The following RTL4 variants were observed in gnomAD, a reference collection of about 807,000 sequenced individuals.
RTL4 encodes retrotransposon Gag like 4.
Under a neutral mutation model 5.3 loss-of-function variants are expected in RTL4, and 4 were observed. The ratio of observed to expected loss-of-function variants is 0.75; its 90% CI spans 0.37 to 1.72. The LOEUF is 1.72. Among genes scored for constraint, RTL4 ranks in the 40% most tolerant of loss-of-function variants. The probability of loss-of-function intolerance (pLI) is 0.04; values close to 1 mark genes in which losing one functional copy is unlikely to be tolerated. For missense variants in RTL4, 260 were observed against 227.1 expected (o/e 1.14, Z -0.93); for synonymous variants, 98 against 87.3 (o/e 1.12, Z -0.68).
At chrX:112,318,178 C>T in the RTL4 span, among the ~76,000 whole-genome samples, 1 of 111,749 alleles carries the variant, frequency 8.9e-6, no homozygotes, top group Non-Finnish European at 1.9e-5. Flanking sequence ...ATGCCAGAAC[C>T]TATCACAGTC....
At chrX:112,247,179 A>C in the RTL4 span, among the ~76,000 whole-genome samples, 6 of 112,116 alleles carry the variant, frequency 5.4e-5, no homozygotes, top group South Asian at 2.2e-3. Flanking sequence ...TGGCAGACTT[A>C]AGCCTTATAC....
At chrX:112,334,590 A>G in the RTL4 span, among the ~76,000 whole-genome samples, 7 of 112,065 alleles carry the variant, frequency 6.2e-5, no homozygotes, top group Admixed American at 1.9e-4. Flanking sequence ...ATATAAATAA[A>G]TATGATAAAG....
At chrX:112,224,921 A>G in the RTL4 span, among the ~76,000 whole-genome samples, 1 of 112,103 alleles carries the variant, frequency 8.9e-6, no homozygotes, top group African/African-American at 3.2e-5. Context: ...TGACTGGTCA[A>G]TTATTTATTT....
the RTL4 span, among the ~76,000 whole-genome samples, chrX:112,159,126 A>C: frequency 4.5e-5 from 5 of 112,112 alleles, no homozygotes; most frequent in Non-Finnish European, 7.5e-5. Context: ...TTTTTCTATG[A>C]ATTTCCTTTT....
chrX:112,192,075 GT>G, the RTL4 span, among the ~76,000 whole-genome samples: 7,773 of 78,657 alleles, frequency 0.099, 416 homozygotes, highest in African/African-American at 0.22. Flanking sequence ...AAATACTAGG[GT>G]TTTTTTTTTT....
the RTL4 span, among the ~76,000 whole-genome samples, chrX:112,102,163 A>G: frequency 9.0e-6 from 1 of 111,572 alleles, no homozygotes; most frequent in Non-Finnish European, 1.9e-5. Flanking sequence ...ACACTTTTAT[A>G]TACATTAACT....
At chrX:112,456,544 T>G in exon 1 of RTL4, 2 of 297,381 alleles carry the variant, frequency 6.7e-6, no homozygotes, top group Non-Finnish European at 6.1e-6. Context: ...TTAGTGAGAG[T>G]TGGGGATGGT....
the RTL4 span, among the ~76,000 whole-genome samples, chrX:112,401,453 G>T: frequency 7.4e-4 from 83 of 111,701 alleles, no homozygotes; most frequent in African/African-American, 2.6e-3. Context: ...ACAGCTTGGT[G>T]TGTTGTATTG....
chrX:112,315,308 G>A, the RTL4 span, among the ~76,000 whole-genome samples: 7 of 111,084 alleles, frequency 6.3e-5, no homozygotes, highest in South Asian at 2.7e-3. Context: ...TGATTCATAA[G>A]CAAAGCCCAT....
chrX:112,368,720 C>T, the RTL4 span, among the ~76,000 whole-genome samples: 744 of 111,646 alleles, frequency 6.7e-3, 3 homozygotes, highest in African/African-American at 0.023. Flanking sequence ...ACATAAAGAA[C>T]TTAGACTAAA....
the RTL4 span, among the ~76,000 whole-genome samples, chrX:112,234,117 G>A: frequency 3.6e-5 from 4 of 110,851 alleles, no homozygotes; most frequent in Admixed American, 9.6e-5. Flanking sequence ...GAGTGAACCC[G>A]GGAGGCGGAA....
At chrX:112,281,904 A>G in the RTL4 span, among the ~76,000 whole-genome samples, 2 of 111,783 alleles carry the variant, frequency 1.8e-5, no homozygotes, top group East Asian at 5.6e-4. Context: ...TTTCAGATAC[A>G]TGGCTTACAA....
chrX:112,202,573 T>TATTATC, the RTL4 span, among the ~76,000 whole-genome samples: 1 of 104,039 alleles, frequency 9.6e-6, no homozygotes, highest in Non-Finnish European at 1.9e-5. Flanking sequence ...TTATTATTAT[T>TATTATC]ATTATGAGAC....
the RTL4 span, among the ~76,000 whole-genome samples, chrX:112,255,155 A>G: frequency 1.8e-5 from 2 of 111,705 alleles, no homozygotes; most frequent in African/African-American, 3.2e-5. Flanking sequence ...GAAACACCAC[A>G]TTTTTTTGAT....
chrX:112,437,617 T>G, the RTL4 span, among the ~76,000 whole-genome samples: 1 of 111,542 alleles, frequency 9.0e-6, no homozygotes, highest in African/African-American at 3.3e-5. Context: ...GACTTGGGTT[T>G]GAATCTCATG....
chrX:112,218,074 G>A, the RTL4 span, among the ~76,000 whole-genome samples: 1 of 111,647 alleles, frequency 9.0e-6, no homozygotes, highest in South Asian at 3.7e-4. Context: ...CCTGGAATGG[G>A]GCAAGGGAAA....
At chrX:112,276,937 A>C in the RTL4 span, among the ~76,000 whole-genome samples, 3 of 112,413 alleles carry the variant, frequency 2.7e-5, no homozygotes, top group Non-Finnish European at 5.6e-5. Flanking sequence ...AATGAATAAA[A>C]TGTTCAGTTT....
chrX:112,311,183 G>A, the RTL4 span, among the ~76,000 whole-genome samples: 3 of 109,674 alleles, frequency 2.7e-5, no homozygotes, highest in Non-Finnish European at 3.8e-5. Flanking sequence ...GAAATTTTGG[G>A]GATTGTGAGT....
At chrX:112,097,812 G>T in the RTL4 span, among the ~76,000 whole-genome samples, 1 of 111,290 alleles carries the variant, frequency 9.0e-6, no homozygotes, top group Admixed American at 9.5e-5. Flanking sequence ...TAAGCCAAAG[G>T]TGGAAAGGTA....
Sources: gnomAD v4.1 joint callset for allele counts (sites outside exome capture counted in the v4.1 genomes callset) on GRCh38, gnomAD v4.1.1 for gene constraint, MANE v1.5 for transcripts, NCBI Gene and HGNC (gene_info 2026-07-23, HGNC 2026-07-21) for gene names.